Variants in DLG2 observed in about 807,000 individuals in gnomAD.
The protein encoded by DLG2 is discs large MAGUK scaffold protein 2, also known as disks large homolog 2.
Under a neutral mutation model 132.5 loss-of-function variants are expected in DLG2, and 45 were observed. The ratio of observed to expected loss-of-function variants is 0.34; its 90% confidence interval spans 0.27 to 0.44. The LOEUF (loss-of-function observed/expected upper bound fraction) is 0.44. DLG2 is among the 20% of genes least tolerant of loss of function. The probability of loss-of-function intolerance (pLI) is 1.00; values close to 1 mark genes in which losing one functional copy is unlikely to be tolerated. For synonymous variants in DLG2, 424 were observed against 419.6 expected (o/e 1.01, Z -0.13); for missense variants, 1,045 against 1,196.9 (o/e 0.87, Z 1.87).
intron 4 of DLG2, among the ~76,000 whole-genome samples, chr11:85,191,082 C>T (rs569893413): frequency 1.3e-5 from 2 of 152,116 alleles, no homozygotes; most frequent in Admixed American, 6.5e-5. Context: ...CATTGCTGCA[C>T]TATTCACAAT....
At position 85,560,120 on chromosome 11, in the gene DLG2, T is replaced by C. The variant is rs565442024; in HGVS notation, c.40+38537A>G. On this transcript the variant is annotated intron_variant, in intron 3 of 27. Coordinates refer to ENST00000376104, the MANE Select transcript of DLG2 (RefSeq NM_001142699.3). ...GCAAGGATATGGAGAAACTACATCA[T>C]ACATTGCTAATGGGAATATAAAATG... 2.0e-5 allele frequency among the ~76,000 whole-genome samples: 3 copies of C among 152,010 alleles called. No individual in the cohort carries two copies. The South Asian group carries it at 6.2e-4, about 32-fold the overall frequency.
chr11:84,099,135 C>T lies in DLG2; in HGVS notation c.625-88G>A, dbSNP rs148059903. The T allele has an allele frequency of 6.4e-4, 785 of 1,222,796 alleles. 1 individual carries two copies. The African/African-American group carries it at 8.0e-3, about 12-fold the overall frequency. 75.7% of individuals were successfully genotyped at this position (1,222,796 alleles called of 1,614,324 possible). On this transcript the variant is annotated intron_variant, in intron 9 of 27. Coordinates refer to ENST00000376104, the MANE Select transcript of DLG2 (RefSeq NM_001142699.3). ...CACTCTGCATTATCATGTTACTACTCAAATGGAAATCAGGTGACAACAGTC... is the reference window on the plus strand; with the variant it reads ...CACTCTGCATTATCATGTTACTACTTAAATGGAAATCAGGTGACAACAGTC...
chr11:85,454,781 A>T (rs562866420), intron 3 of DLG2, among the ~76,000 whole-genome samples: 110 of 152,298 alleles, frequency 7.2e-4, no homozygotes, highest in African/African-American at 2.5e-3. Context: ...TATTTATTGA[A>T]TAGCAAGTCC....
At chr11:84,339,294 C>T (rs548606636) in intron 7 of DLG2, among the ~76,000 whole-genome samples, 2 of 152,264 alleles carry the variant, frequency 1.3e-5, no homozygotes, top group East Asian at 3.9e-4. Context: ...CATTAATGTG[C>T]CAGCAACTAT....
At chr11:84,258,737 T>G (rs1438775366) in intron 7 of DLG2, among the ~76,000 whole-genome samples, 1 of 152,178 alleles carries the variant, frequency 6.6e-6, no homozygotes, top group Non-Finnish European at 1.5e-5. Context: ...CTCCAACATT[T>G]GATTTTTTTT....
intron 3 of DLG2, among the ~76,000 whole-genome samples, chr11:85,385,753 G>T (rs886450297): frequency 1.1e-4 from 17 of 152,146 alleles, no homozygotes; most frequent in African/African-American, 3.6e-4. Flanking sequence ...AATGATGCAA[G>T]AAAGAAAGAG....
intron 17 of DLG2, among the ~76,000 whole-genome samples, chr11:83,828,617 T>C (rs1010758195): frequency 3.3e-5 from 5 of 152,160 alleles, no homozygotes; most frequent in Non-Finnish European, 5.9e-5. Flanking sequence ...ATCCTGCTGT[T>C]TCAGTGTTCT....
chr11:85,399,349 T>C (rs1254557791), intron 3 of DLG2, among the ~76,000 whole-genome samples: 2 of 152,138 alleles, frequency 1.3e-5, no homozygotes, highest in African/African-American at 2.4e-5. Context: ...AAAATGGCCA[T>C]ACTGCCCAAG....
At chr11:85,398,971 G>C (rs1487540328) in intron 3 of DLG2, among the ~76,000 whole-genome samples, 1 of 152,064 alleles carries the variant, frequency 6.6e-6, no homozygotes, top group Non-Finnish European at 1.5e-5. Flanking sequence ...ATTCAATTAG[G>C]AAAAGAGGAA....
intron 6 of DLG2, among the ~76,000 whole-genome samples, chr11:84,728,314 T>C (rs1454909496): frequency 6.6e-6 from 1 of 152,226 alleles, no homozygotes; most frequent in African/African-American, 2.4e-5. Context: ...TGTTGAATTT[T>C]GTCAAAGGTC....
chr11:84,125,005 C>A (rs978248732), intron 9 of DLG2, among the ~76,000 whole-genome samples: 1 of 152,120 alleles, frequency 6.6e-6, no homozygotes, highest in South Asian at 2.1e-4. Context: ...CATGTGCCAC[C>A]ATGCCCGGCT....
intron 6 of DLG2, among the ~76,000 whole-genome samples, chr11:84,595,186 C>A (rs754109545): frequency 6.6e-5 from 10 of 152,026 alleles, no homozygotes; most frequent in Non-Finnish European, 5.9e-5. Context: ...TTCATTGTAA[C>A]CTCCACCTCC....
intron 4 of DLG2, among the ~76,000 whole-genome samples, chr11:85,158,609 G>C (rs2077774831): frequency 6.6e-6 from 1 of 152,124 alleles, no homozygotes; most frequent in Admixed American, 6.5e-5. Context: ...ATCTAAGAGT[G>C]GGAACTGCAG....
At chr11:83,727,184 A>G (rs2090160700) in intron 18 of DLG2, among the ~76,000 whole-genome samples, 1 of 152,202 alleles carries the variant, frequency 6.6e-6, no homozygotes, top group Non-Finnish European at 1.5e-5. Context: ...AGATAATTTT[A>G]TTCAACACAA....
At chr11:83,572,468 C>T (rs1436337985) in intron 19 of DLG2, among the ~76,000 whole-genome samples, 4 of 152,092 alleles carry the variant, frequency 2.6e-5, no homozygotes, top group Admixed American at 6.6e-5. Flanking sequence ...TCTTACCTTT[C>T]GAGGTCAGTG....
intron 6 of DLG2, among the ~76,000 whole-genome samples, chr11:84,646,612 GA>G (rs548785266): frequency 4.0e-4 from 48 of 120,152 alleles, no homozygotes; most frequent in Middle Eastern, 8.5e-3. Context: ...AATGTAAAAA[GA>G]AAAAAAAAAC....
chr11:84,257,892 G>T (rs896998), intron 7 of DLG2, among the ~76,000 whole-genome samples: 95,324 of 151,524 alleles, frequency 0.63, 31,962 homozygotes, highest in East Asian at 0.74. Context: ...TTGCTATACT[G>T]CCCAGGCTGG....
intron 3 of DLG2, among the ~76,000 whole-genome samples, chr11:85,463,260 T>G (rs994981716): frequency 2.0e-5 from 3 of 152,180 alleles, no homozygotes; most frequent in Non-Finnish European, 4.4e-5. Context: ...AATTAATTAC[T>G]CAATAATAAC....
At chr11:85,257,207 T>C (rs1045646979) in intron 4 of DLG2, among the ~76,000 whole-genome samples, 5 of 152,154 alleles carry the variant, frequency 3.3e-5, no homozygotes, top group Admixed American at 1.3e-4. Flanking sequence ...CAAAAAATCA[T>C]TACAGCTGTG....
Sources: allele counts gnomAD v4.1 joint callset (sites outside exome capture counted in the v4.1 genomes callset), GRCh38; gene constraint gnomAD v4.1.1; transcripts MANE v1.5; gene names NCBI Gene and HGNC (gene_info 2026-07-23, HGNC 2026-07-21).